Variants in MAF observed in about 807,000 individuals in gnomAD.
The protein encoded by MAF is transcription factor Maf.
MAF carries 10 observed loss-of-function variants against 22.0 expected under a neutral mutation model. That is an observed-to-expected ratio of 0.45 (90% CI 0.28 to 0.77). The LOEUF is 0.77. Ranked by LOEUF, MAF falls within the 30% of genes least tolerant of loss-of-function variation. The pLI is 0.12. For synonymous variants in MAF, 337 were observed against 255.8 expected, an observed-to-expected ratio of 1.32 and a Z score of -3.03; for missense variants, 544 against 548.4, an observed-to-expected ratio of 0.99 and a Z score of 0.08.
the MAF span, among the ~76,000 whole-genome samples, chr16:79,269,880 C>T: frequency 3.9e-5 from 6 of 152,132 alleles, no homozygotes; most frequent in Non-Finnish European, 7.4e-5. Context: ...TTAGCTCCAT[C>T]GTCACCCAAG....
the MAF span, chr16:79,211,598 G>C: frequency 3.1e-6 from 5 of 1,614,122 alleles, no homozygotes; most frequent in Non-Finnish European, 4.2e-6. Context: ...CTTTCTTCTT[G>C]GATTTCCAGC....
chr16:79,527,274 C>T, the MAF span, among the ~76,000 whole-genome samples: 194 of 152,306 alleles, frequency 1.3e-3, 1 homozygote, highest in African/African-American at 4.1e-3. Context: ...GTTTCATCTC[C>T]TTCATTGTCT....
At chr16:79,259,070 T>A in the MAF span, among the ~76,000 whole-genome samples, 1 of 152,152 alleles carries the variant, frequency 6.6e-6, no homozygotes, top group Non-Finnish European at 1.5e-5. Flanking sequence ...AACCATCCCC[T>A]AAACCCCAGA....
the MAF span, among the ~76,000 whole-genome samples, chr16:79,476,098 C>T: frequency 6.6e-6 from 1 of 152,156 alleles, no homozygotes; most frequent in Non-Finnish European, 1.5e-5. Context: ...CTCTGAGACT[C>T]AAAGCAGCAG....
At chr16:79,375,047 G>C in the MAF span, among the ~76,000 whole-genome samples, 1 of 152,156 alleles carries the variant, frequency 6.6e-6, no homozygotes, top group Admixed American at 6.5e-5. Context: ...TTTATAACAT[G>C]GGGCTGAGAT....
chr16:79,433,248 T>C, the MAF span, among the ~76,000 whole-genome samples: 1 of 137,936 alleles, frequency 7.2e-6, no homozygotes, highest in South Asian at 2.4e-4. Context: ...GGGAAATACA[T>C]AATGTAAGAT....
the MAF span, among the ~76,000 whole-genome samples, chr16:79,441,900 C>G: frequency 6.6e-6 from 1 of 152,006 alleles, no homozygotes; most frequent in Non-Finnish European, 1.5e-5. Context: ...AATCCGATGA[C>G]GAGGATCTTT....
At chr16:79,559,148 C>T in the MAF span, among the ~76,000 whole-genome samples, 20 of 152,038 alleles carry the variant, frequency 1.3e-4, no homozygotes, top group African/African-American at 4.1e-4. Context: ...GTGGTTTGGG[C>T]GGGCTTAGCT....
At chr16:79,268,932 G>C in the MAF span, among the ~76,000 whole-genome samples, 1 of 152,176 alleles carries the variant, frequency 6.6e-6, no homozygotes. Context: ...TGATAAATGG[G>C]AGTAATGATC....
chr16:79,369,481 C>T, the MAF span, among the ~76,000 whole-genome samples: 1 of 152,310 alleles, frequency 6.6e-6, no homozygotes, highest in East Asian at 1.9e-4. Context: ...ACAGGAGGAT[C>T]CTCTGATTTC....
At chr16:79,273,730 C>T in the MAF span, among the ~76,000 whole-genome samples, 1 of 152,148 alleles carries the variant, frequency 6.6e-6, no homozygotes, top group South Asian at 2.1e-4. Flanking sequence ...ATAATTATGC[C>T]CACCCAGATA....
the MAF span, among the ~76,000 whole-genome samples, chr16:79,275,453 G>T: frequency 6.6e-6 from 1 of 152,172 alleles, no homozygotes; most frequent in African/African-American, 2.4e-5. Context: ...TCTTAAAATG[G>T]AAGTAATTTC....
At chr16:79,374,837 G>C in the MAF span, among the ~76,000 whole-genome samples, 5 of 152,316 alleles carry the variant, frequency 3.3e-5, no homozygotes, top group East Asian at 9.6e-4. Context: ...AGAAAACACA[G>C]TCCGTAACAG....
At chr16:79,464,983 AGT>A in the MAF span, among the ~76,000 whole-genome samples, 1 of 152,224 alleles carries the variant, frequency 6.6e-6, no homozygotes, top group South Asian at 2.1e-4. Context: ...AATGTGGCTG[AGT>A]ATATAGTCAT....
At chr16:79,395,210 G>A in the MAF span, among the ~76,000 whole-genome samples, 1 of 152,190 alleles carries the variant, frequency 6.6e-6, no homozygotes, top group Non-Finnish European at 1.5e-5. Context: ...GCCTGAGCCT[G>A]TGCCTGTCAG....
chr16:79,291,033 G>A, the MAF span, among the ~76,000 whole-genome samples: 73 of 152,076 alleles, frequency 4.8e-4, no homozygotes, highest in East Asian at 0.013. Context: ...GAATGCTCGA[G>A]TGTAGTCAGG....
At chr16:79,428,716 G>A in the MAF span, among the ~76,000 whole-genome samples, 1 of 152,022 alleles carries the variant, frequency 6.6e-6, no homozygotes, top group African/African-American at 2.4e-5. Flanking sequence ...GGCATGGTTT[G>A]TGCCTGTAGT....
At chr16:79,598,142 CAGG>C (rs759884937) in intron 1 of MAF, 861 of 1,044,400 alleles carry the variant, frequency 8.2e-4, no homozygotes, top group Non-Finnish European at 9.4e-4. Context: ...ATGAAGAACT[CAGG>C]AGAAGAAAAA....
the MAF span, chr16:79,211,864 TG>T: frequency 6.2e-7 from 1 of 1,600,724 alleles, no homozygotes. Flanking sequence ...GTGCCAGGGC[TG>T]GGCCCCTTCC....
Sources: allele counts gnomAD v4.1 joint callset (sites outside exome capture counted in the v4.1 genomes callset), GRCh38; gene constraint gnomAD v4.1.1; transcripts MANE v1.5; gene names NCBI Gene and HGNC (gene_info 2026-07-23, HGNC 2026-07-21).